TMED3: variants seen among roughly 807,000 people sequenced by gnomAD.
The protein encoded by TMED3 is transmembrane emp24 domain-containing protein 3.
In TMED3, 9 loss-of-function variants were observed where a neutral mutation model predicts 15.0. That is an observed-to-expected ratio of 0.60 (90% CI 0.36 to 1.04). The LOEUF is 1.04. Ranked by LOEUF, TMED3 falls within the 50% of genes least tolerant of loss-of-function variation. TMED3 has a pLI of 0.01. For missense variants in TMED3, 267 were observed against 278.9 expected (o/e 0.96, Z 0.30); for synonymous variants, 117 against 121.4 (o/e 0.96, Z 0.24).
intron 2 of TMED3, among the ~76,000 whole-genome samples, chr15:79,317,638 C>T (rs747338732): frequency 3.3e-5 from 5 of 152,230 alleles, no homozygotes; most frequent in Admixed American, 6.5e-5. Context: ...TACATATACA[C>T]ATATACTACC....
downstream of TMED3, among the ~76,000 whole-genome samples, chr15:79,324,758 G>A (rs1007266220): frequency 6.6e-6 from 1 of 152,158 alleles, no homozygotes; most frequent in Non-Finnish European, 1.5e-5. Flanking sequence ...GGAGAGACTC[G>A]TTGACATCTG....
intron 2 of TMED3, among the ~76,000 whole-genome samples, chr15:79,393,835 G>T (rs944489116): frequency 1.3e-5 from 2 of 152,004 alleles, no homozygotes; most frequent in Non-Finnish European, 2.9e-5. Context: ...ATCTGGGACC[G>T]CAGGTGCATG....
chr15:79,332,371 C>T (rs559050321), intron 2 of TMED3, among the ~76,000 whole-genome samples: 4 of 152,348 alleles, frequency 2.6e-5, no homozygotes, highest in South Asian at 4.1e-4. Flanking sequence ...GGTGATGCCT[C>T]GCTCACACAG....
chr15:79,357,870 T>C (rs1467433075), intron 2 of TMED3, among the ~76,000 whole-genome samples: 2 of 152,180 alleles, frequency 1.3e-5, no homozygotes, highest in African/African-American at 4.8e-5. Flanking sequence ...TTTATACCAT[T>C]GTTTAAGTCC....
At chr15:79,388,447 T>C (rs924979153) in intron 2 of TMED3, among the ~76,000 whole-genome samples, 1 of 151,886 alleles carries the variant, frequency 6.6e-6, no homozygotes, top group African/African-American at 2.4e-5. Flanking sequence ...ACGGGCTGAG[T>C]AGTATTCAAT....
chr15:79,403,179 C>A (rs369249251), intron 2 of TMED3, among the ~76,000 whole-genome samples: 2 of 120,170 alleles, frequency 1.7e-5, no homozygotes, highest in African/African-American at 3.2e-5. Flanking sequence ...GCTGAGATCA[C>A]ATCACTGCGC....
chr15:79,353,220 TATA>T (rs2058901953), intron 2 of TMED3, among the ~76,000 whole-genome samples: 26 of 81,544 alleles, frequency 3.2e-4, no homozygotes, highest in Non-Finnish European at 5.0e-4. Flanking sequence ...TTATATATAT[TATA>T]CATAATATAT....
intron 2 of TMED3, among the ~76,000 whole-genome samples, chr15:79,320,306 G>T (rs758085292): frequency 2.0e-5 from 3 of 152,040 alleles, no homozygotes; most frequent in Non-Finnish European, 2.9e-5. Context: ...GGTTATGATT[G>T]TAGAGCAAGG....
intron 2 of TMED3, among the ~76,000 whole-genome samples, chr15:79,373,928 G>A (rs1250761277): frequency 6.6e-6 from 1 of 152,212 alleles, no homozygotes; most frequent in Non-Finnish European, 1.5e-5. Context: ...AGGAATAGAT[G>A]TTTGTAGTTA....
At chr15:79,317,426 G>C (rs1422643917) in intron 2 of TMED3, among the ~76,000 whole-genome samples, 1 of 152,206 alleles carries the variant, frequency 6.6e-6, no homozygotes, top group Non-Finnish European at 1.5e-5. Context: ...CCAGGCCAGG[G>C]CCTACGGTCC....
At chr15:79,367,980 A>G (rs1262243725) in intron 2 of TMED3, among the ~76,000 whole-genome samples, 2 of 152,172 alleles carry the variant, frequency 1.3e-5, no homozygotes, top group East Asian at 3.9e-4. Context: ...TAGAAGAAAG[A>G]ATAGTGGTCA....
intron 2 of TMED3, among the ~76,000 whole-genome samples, chr15:79,397,029 C>T (rs1326143344): frequency 1.3e-5 from 2 of 152,116 alleles, no homozygotes; most frequent in Non-Finnish European, 2.9e-5. Context: ...ATGTAAGAGG[C>T]GGGAATGCAG....
chr15:79,330,565 T>A (rs749439376), intron 2 of TMED3, among the ~76,000 whole-genome samples: 1 of 152,142 alleles, frequency 6.6e-6, no homozygotes, highest in Non-Finnish European at 1.5e-5. Flanking sequence ...ATTCCCATGC[T>A]CATGGATCAA....
At chr15:79,325,243 C>T (rs2058783196), downstream of TMED3, among the ~76,000 whole-genome samples, 1 of 152,160 alleles carries the variant, frequency 6.6e-6, no homozygotes, top group Admixed American at 6.5e-5. Context: ...TGAGATTCCC[C>T]CATAAAATAA....
At chr15:79,321,285 A>C (rs2058765583) in intron 2 of TMED3, among the ~76,000 whole-genome samples, 1 of 152,180 alleles carries the variant, frequency 6.6e-6, no homozygotes, top group African/African-American at 2.4e-5. Context: ...TGGTGGTGGG[A>C]AGGACATTTT....
intron 2 of TMED3, among the ~76,000 whole-genome samples, chr15:79,401,490 C>G (rs1044339153): frequency 1.3e-5 from 2 of 152,156 alleles, no homozygotes; most frequent in African/African-American, 4.8e-5. Flanking sequence ...TGGAGACATT[C>G]TTGGTTGCCA....
intron 2 of TMED3, among the ~76,000 whole-genome samples, chr15:79,331,930 G>C (rs1010779597): frequency 2.0e-5 from 3 of 152,140 alleles, no homozygotes; most frequent in Non-Finnish European, 4.4e-5. Flanking sequence ...AGAGAAAAGG[G>C]AACTCTTATA....
chr15:79,313,483 G>C (rs1420483111), intron 1 of TMED3, among the ~76,000 whole-genome samples: 1 of 152,174 alleles, frequency 6.6e-6, no homozygotes, highest in Non-Finnish European at 1.5e-5. Context: ...AAAATGGAAA[G>C]GATTAGGCTC....
chr15:79,339,715 C>A (rs1203622943), intron 2 of TMED3, among the ~76,000 whole-genome samples: 1 of 150,642 alleles, frequency 6.6e-6, no homozygotes, highest in East Asian at 1.9e-4. Flanking sequence ...ATGGTGGTGG[C>A]AATGGTGTTA....
Sources: gnomAD v4.1 joint callset for allele counts (sites outside exome capture counted in the v4.1 genomes callset) on GRCh38, gnomAD v4.1.1 for gene constraint, MANE v1.5 for transcripts, NCBI Gene and HGNC (gene_info 2026-07-23, HGNC 2026-07-21) for gene names.